The following DOCK10 variants were observed in gnomAD, a reference collection of about 807,000 sequenced individuals.
The protein encoded by DOCK10 is dedicator of cytokinesis protein 10.
A neutral mutation model predicts 280.1 loss-of-function variants in DOCK10; 145 were observed. The ratio of observed to expected loss-of-function variants is 0.52; its 90% confidence interval spans 0.45 to 0.59. The LOEUF (loss-of-function observed/expected upper bound fraction) is 0.59. Among genes scored for constraint, DOCK10 ranks in the 20% least tolerant of loss-of-function variants. The pLI is 0.00. For missense variants in DOCK10, 2,368 were observed against 2,651.7 expected, an observed-to-expected ratio of 0.89 and a Z score of 2.35; for synonymous variants, 915 against 942.2, an observed-to-expected ratio of 0.97 and a Z score of 0.53.
chr2:224,984,225 C>T (rs1160338095), intron 1 of DOCK10, among the ~76,000 whole-genome samples: 2 of 152,120 alleles, frequency 1.3e-5, no homozygotes, highest in Non-Finnish European at 2.9e-5. Context: ...AAATAGTAAA[C>T]CAGCCCCAGT....
At chr2:224,924,601 C>G (rs1040191547) in intron 2 of DOCK10, among the ~76,000 whole-genome samples, 2 of 152,182 alleles carry the variant, frequency 1.3e-5, no homozygotes, top group African/African-American at 4.8e-5. Context: ...ACCCATTCAT[C>G]AGTTGATAGA....
At chr2:224,869,213 A>G (rs1472067851) in intron 11 of DOCK10, among the ~76,000 whole-genome samples, 1 of 152,208 alleles carries the variant, frequency 6.6e-6, no homozygotes, top group Non-Finnish European at 1.5e-5. Context: ...AGATTTTTGG[A>G]GTCAATTTCT....
chr2:224,974,873 C>T (rs542916784), intron 1 of DOCK10, among the ~76,000 whole-genome samples: 8 of 93,062 alleles, frequency 8.6e-5, no homozygotes, highest in African/African-American at 1.4e-4. Flanking sequence ...AGTATATATA[C>T]GTGTGTGTGT....
chr2:225,014,614 A>C (rs1233391181), intron 1 of DOCK10, among the ~76,000 whole-genome samples: 1 of 152,058 alleles, frequency 6.6e-6, no homozygotes, highest in Non-Finnish European at 1.5e-5. Context: ...TGATTGGAAT[A>C]ATATGTTTTA....
intron 1 of DOCK10, among the ~76,000 whole-genome samples, chr2:225,037,212 G>C (rs566630332): frequency 1.3e-5 from 2 of 152,188 alleles, no homozygotes. Flanking sequence ...TGCAATACAG[G>C]TGGGATGGGG....
At chr2:224,895,008 C>T (rs374758881) in intron 4 of DOCK10, among the ~76,000 whole-genome samples, 32 of 152,302 alleles carry the variant, frequency 2.1e-4, no homozygotes, top group African/African-American at 7.5e-4. Flanking sequence ...CTTATTACGC[C>T]CCTTTCATCC....
chr2:224,876,120 G>A lies in DOCK10; in HGVS notation c.849C>T (p.His283=), dbSNP rs997000431. The A allele has an allele frequency of 1.2e-6, 2 of 1,613,856 alleles. No individual in the cohort carries two copies. The highest frequency in any genetic ancestry group is 1.7e-5 in the Admixed American group (1 of 60,002). Residue 283 remains histidine (H), a synonymous_variant, in exon 8 of 56, where the codon CAC becomes CAT. Transcript: ENST00000258390. ...ETESDMDEWI[H]TLNRILQISP... ...TGATTTGCAGAATGCGGTTGAGGGTGTGGATCCATTCATCCATATCTGACT... is the reference window on the plus strand; with the variant it reads ...TGATTTGCAGAATGCGGTTGAGGGTATGGATCCATTCATCCATATCTGACT...
intron 1 of DOCK10, among the ~76,000 whole-genome samples, chr2:224,957,652 C>T (rs1294241545): frequency 1.3e-5 from 2 of 152,076 alleles, no homozygotes; most frequent in Admixed American, 6.6e-5. Flanking sequence ...TCTCTTTGGA[C>T]CAGAGTTAGT....
chr2:224,841,673 T>G lies in DOCK10; in HGVS notation c.2661+131A>C, dbSNP rs1229848408. The G allele has an allele frequency of 9.2e-6, 5 of 541,076 alleles. No homozygotes were observed. The East Asian group carries it at 1.1e-4, about 12-fold the overall frequency. 33.5% of individuals were successfully genotyped at this position (541,076 alleles called of 1,614,324 possible). A position where few individuals can be genotyped will look rare whatever the true frequency, so the allele number is the denominator to read the frequency against. ...TTATGAAATAAAATCATTTACTCTC[T>G]GAATTGATAAGGTATTAAAAAATCT... On this transcript the variant is annotated intron_variant, in intron 23 of 55. Coordinates refer to ENST00000258390, the MANE Select transcript of DOCK10 (RefSeq NM_014689.3).
At chr2:224,787,215 G>A in intron 49 of DOCK10, 60 bp downstream of exon 49, 2 of 1,610,196 alleles carry the variant, frequency 1.2e-6, no homozygotes, top group East Asian at 4.5e-5. Flanking sequence ...AAAACTGTAA[G>A]TAATTTTCCA....
rs2125014993 is a variant in DOCK10 at position 224,778,127 on chromosome 2, T to C, written c.5802+11A>G. The C allele has an allele frequency of 1.9e-6, 3 of 1,611,428 alleles. No homozygotes were observed. Among genetic ancestry groups the C allele is most frequent in the South Asian group, 1.1e-5 (1 of 90,716 alleles). ...TTCTTAGCACTTGCATGAATACTGA[T>C]TTTCCTCTACCTTGTTGGAATCCTG... On this transcript the variant is annotated intron_variant, in intron 51 of 55. Transcript: ENST00000258390.
intron 28 of DOCK10, among the ~76,000 whole-genome samples, chr2:224,823,144 C>T (rs569644257): frequency 5.3e-5 from 8 of 151,730 alleles, no homozygotes; most frequent in African/African-American, 1.5e-4. Flanking sequence ...CGCACCACCA[C>T]GCCCAGCTAA....
intron 50 of DOCK10, 114 bp from the exon 51 acceptor site, chr2:224,778,398 C>T (rs1691029167): frequency 9.8e-7 from 1 of 1,025,028 alleles, no homozygotes; most frequent in African/African-American, 1.6e-5. Flanking sequence ...GTCATCTAAT[C>T]CATTGGTTAA....
intron 19 of DOCK10, 125 bp downstream of exon 19, chr2:224,849,382 A>G (rs996411972): frequency 1.6e-6 from 1 of 621,680 alleles, no homozygotes; most frequent in East Asian, 2.8e-5. Context: ...TGGTAAGTAC[A>G]TACCTGCCAA....
intron 50 of DOCK10, among the ~76,000 whole-genome samples, chr2:224,783,964 A>T (rs1256782765): frequency 6.6e-6 from 1 of 152,200 alleles, no homozygotes; most frequent in African/African-American, 2.4e-5. Context: ...TGAACCATAT[A>T]AAGTTGCCAT....
chr2:224,851,274 T>C (rs1696711893), intron 18 of DOCK10, among the ~76,000 whole-genome samples: 1 of 152,124 alleles, frequency 6.6e-6, no homozygotes, highest in Non-Finnish European at 1.5e-5. Context: ...TGATTGTTAT[T>C]CTTTTCTAGA....
intron 23 of DOCK10, 130 bp from the exon 24 acceptor site, chr2:224,840,202 T>C (rs1331308905): frequency 1.9e-6 from 1 of 532,710 alleles, no homozygotes; most frequent in South Asian, 2.9e-5. Flanking sequence ...GACTGGGCAA[T>C]GATTTTTTGG....
rs761192088 is a variant in DOCK10 at position 224,865,016 on chromosome 2, A to C, written c.1329T>G (p.His443Gln). Residue 443 changes from histidine to glutamine, a missense_variant, in exon 12 of 56, where the codon CAT becomes CAG. By Grantham distance (24) the His-to-Gln change is conservative. Transcript: ENST00000258390. ...RDSRKISADFHVDLNHAAVRQ... is the reference protein window; with the variant it reads ...RDSRKISADFQVDLNHAAVRQ... The stretch of plus-strand genomic sequence containing the variant: ...TGACAGCAGCATGGTTTAGATCCAC[A>C]TGAAAATCAGCAGAAATCTTCCTGC... The C allele has an allele frequency of 6.2e-7, 1 of 1,614,030 alleles. No individual in the cohort carries two copies. The highest frequency in any genetic ancestry group is 8.5e-7 in the Non-Finnish European group (1 of 1,179,888).
Position 225,042,398 on chromosome 2 carries a change from C to A in DOCK10, c.-24G>T. On this transcript the variant is annotated 5_prime_UTR_variant, in exon 1 of 56. Transcript: ENST00000258390. The surrounding 1 kb of genome is among the most constrained non-coding windows in gnomAD (Gnocchi z 5.1). ...ATCGCCGGTCACGCCAATCGCGCCG[C>A]GGGCCCGGGGCGCGCCTCCCGCCGG... is the stretch of plus-strand genomic sequence containing the variant. 1 of 1,142,892 alleles carries A rather than the reference C, an allele frequency of 8.7e-7. No individual in the cohort carries two copies. The highest frequency in any genetic ancestry group is 1.1e-6 in the Non-Finnish European group (1 of 931,290). 70.8% of individuals were successfully genotyped at this position (1,142,892 alleles called of 1,614,324 possible). A position where few individuals can be genotyped will look rare whatever the true frequency, so the allele number is the denominator to read the frequency against.
Sources: gnomAD v4.1 joint callset for allele counts (sites outside exome capture counted in the v4.1 genomes callset) on GRCh38, gnomAD v4.1.1 for gene constraint, Gnocchi (gnomAD v3.1) non-coding constraint, MANE v1.5 for transcripts, NCBI Gene and HGNC (gene_info 2026-07-23, HGNC 2026-07-21) for gene names.